Variants in MN1 observed in about 807,000 individuals in gnomAD.
MN1 encodes transcriptional activator MN1.
MN1 carries 19 observed loss-of-function variants against 86.9 expected under a neutral mutation model. The observed-to-expected ratio is 0.22, with a 90% CI of 0.15 to 0.32. The LOEUF (loss-of-function observed/expected upper bound fraction) is 0.32, where lower values mean the gene tolerates loss of function less well. Among genes scored for constraint, MN1 ranks in the 10% least tolerant of loss-of-function variants. The pLI, the probability that MN1 is intolerant of heterozygous loss-of-function variation, is 1.00. For missense variants in MN1, 1,841 were observed against 1,862.0 expected (o/e 0.99, Z 0.21); for synonymous variants, 928 against 849.6 (o/e 1.09, Z -1.60).
chr22:27,800,329 G>A lies in MN1; in HGVS notation c.215C>T (p.Ala72Val). The A allele has an allele frequency of 6.3e-7, 1 of 1,584,628 alleles. No homozygotes were observed. The highest frequency in any genetic ancestry group is 8.6e-7 in the Non-Finnish European group (1 of 1,164,156). ...GMNMEPYGFH[A>V]RGHSELHAGG... ...TGCGTGCAACTCCGAGTGGCCGCGCGCGTGGAAGCCGTAGGGCTCCATGTT... is the reference window on the plus strand; with the variant it reads ...TGCGTGCAACTCCGAGTGGCCGCGCACGTGGAAGCCGTAGGGCTCCATGTT... The change falls in exon 1 of 2, where the codon GCG (alanine) becomes GTG (valine). Residue 72 changes from alanine to valine, a missense_variant. By Grantham distance (64) the Ala-to-Val change is moderately conservative. Transcript: ENST00000302326.
At chr22:27,752,676 A>T (rs1002976420) in intron 1 of MN1, among the ~76,000 whole-genome samples, 1 of 152,220 alleles carries the variant, frequency 6.6e-6, no homozygotes, top group Non-Finnish European at 1.5e-5. Flanking sequence ...GAAGAGTCTC[A>T]TTATTCTCAT....
Position 27,777,702 on chromosome 22 carries a change from T to TACACAC in MN1, c.3781+19055_3781+19060dup, listed in dbSNP as rs35992247. Among the ~76,000 whole-genome samples the TACACAC allele has an allele frequency of 6.7e-4, 99 of 148,718 alleles. 2 individuals are homozygous for TACACAC. In the East Asian group the frequency reaches 0.017, roughly 25 times the overall value. On this transcript the variant is annotated intron_variant, in intron 1 of 1. Transcript: ENST00000302326. ...GGTGAAACCGTGTCTCTACTAAAAA[T>TACACAC]ACACACACACACACACACAAAATAT...
chr22:27,767,808 G>A (rs1932881575), intron 1 of MN1, among the ~76,000 whole-genome samples: 1 of 152,162 alleles, frequency 6.6e-6, no homozygotes, highest in Non-Finnish European at 1.5e-5. Context: ...AAAAAAGAGA[G>A]AAAGAGAGAG....
At chr22:27,757,805 C>T (rs879409827) in intron 1 of MN1, among the ~76,000 whole-genome samples, 7 of 152,158 alleles carry the variant, frequency 4.6e-5, no homozygotes, top group Middle Eastern at 6.8e-3. Context: ...TCTGTGACCC[C>T]CAGACCTTGG....
rs1932734909 is a variant in MN1 at position 27,749,225 on chromosome 22, C to T, written c.*1690G>A. 1 of 230,398 alleles carries T rather than the reference C, an allele frequency of 4.3e-6. No homozygotes were observed. The highest frequency in any genetic ancestry group is 2.2e-5 in the African/African-American group (1 of 45,098). 14.3% of individuals were successfully genotyped at this position (230,398 alleles called of 1,614,324 possible). On this transcript the variant is annotated 3_prime_UTR_variant, in exon 2 of 2. Coordinates refer to ENST00000302326, the MANE Select transcript of MN1 (RefSeq NM_002430.3). ...GTTTTTCTGAAAGCTCCTCTCCCTT[C>T]GCTGAAAAGTTCTTTGAAATAAACA... is the stretch of plus-strand genomic sequence containing the variant.
chr22:27,753,135 G>A (rs551317845), intron 1 of MN1, among the ~76,000 whole-genome samples: 1 of 152,358 alleles, frequency 6.6e-6, no homozygotes, highest in East Asian at 1.9e-4. Flanking sequence ...GCAGAAAGGA[G>A]ACTTCCTTGG....
In MN1 at chr22:27,798,612, G is replaced by T; in HGVS notation, c.1932C>A (p.Pro644=). 1 of 1,561,870 alleles carries T rather than the reference G, an allele frequency of 6.4e-7. No homozygotes were observed. The highest frequency in any genetic ancestry group is 2.3e-5 in the East Asian group (1 of 42,716). The change falls in exon 1 of 2, where the codon CCC becomes CCA. Residue 644 remains proline (P), a synonymous_variant. Coordinates refer to ENST00000302326, the MANE Select transcript of MN1 (RefSeq NM_002430.3). ...GPHPPPGDLL[P]RRMGGSGLPA... is the part of the protein sequence containing the mutation. Reference sequence around the variant, plus strand: ...GCAGACCCGAGCCGCCCATCCTACGGGGCAGCAGGTCTCCGGGCGGCGGAT... The same window carrying T: ...GCAGACCCGAGCCGCCCATCCTACGTGGCAGCAGGTCTCCGGGCGGCGGAT...
chr22:27,786,462 T>TACC (rs1355492411), intron 1 of MN1, among the ~76,000 whole-genome samples: 1 of 147,994 alleles, frequency 6.8e-6, no homozygotes, highest in East Asian at 2.1e-4. Context: ...CACATCCTCC[T>TACC]ACCACCACCA....
intron 1 of MN1, among the ~76,000 whole-genome samples, chr22:27,789,058 G>T (rs1439203169): frequency 1.3e-5 from 2 of 152,206 alleles, no homozygotes; most frequent in Non-Finnish European, 2.9e-5. Flanking sequence ...CATGAGTCAG[G>T]CTGCTCGAAG....
In MN1 at chr22:27,750,156, G is replaced by A. The variant is rs141654379; in HGVS notation, c.*759C>T. The A allele has an allele frequency of 1.9e-3, 447 of 231,666 alleles. 1 individual carries two copies. The highest frequency in any genetic ancestry group is 2.9e-3 in the Non-Finnish European group (338 of 117,054). 14.4% of individuals were successfully genotyped at this position (231,666 alleles called of 1,614,324 possible). ...AGAGCAGAGCTGGACACGTCCTCAC[G>A]TCCATCGCAGAGAGGGGCGGCTTCC... is the stretch of plus-strand genomic sequence containing the variant. On this transcript the variant is annotated 3_prime_UTR_variant, in exon 2 of 2. Coordinates refer to ENST00000302326, the MANE Select transcript of MN1 (RefSeq NM_002430.3).
At chr22:27,776,758 C>T (rs1932983887) in intron 1 of MN1, among the ~76,000 whole-genome samples, 1 of 152,100 alleles carries the variant, frequency 6.6e-6, no homozygotes, top group African/African-American at 2.4e-5. Context: ...CCAACTCGGG[C>T]GGACGCCACA....
At chr22:27,794,367 C>T (rs1298698489) in intron 1 of MN1, among the ~76,000 whole-genome samples, 6 of 152,184 alleles carry the variant, frequency 3.9e-5, no homozygotes, top group East Asian at 3.9e-4. Flanking sequence ...GACCTCAATT[C>T]GCTGCTTTAT....
intron 1 of MN1, among the ~76,000 whole-genome samples, chr22:27,753,991 C>T (rs1932786404): frequency 6.6e-6 from 1 of 152,264 alleles, no homozygotes. Flanking sequence ...TTATTTCCCC[C>T]ACTTTGCACA....
In MN1 at chr22:27,796,873, C is replaced by T. The variant is rs531489963; in HGVS notation, c.3671G>A (p.Ser1224Asn). Residue 1224 changes from serine to asparagine, a missense_variant, in exon 1 of 2, where the codon AGC becomes AAC. By Grantham distance (46) the Ser-to-Asn change is conservative. Transcript: ENST00000302326. ...IDLDSLMAEHSAAWYMPADKA... is the reference protein window; with the variant it reads ...IDLDSLMAEHNAAWYMPADKA... The stretch of plus-strand genomic sequence containing the variant: ...GTCAGCGGGCATGTACCAGGCAGCG[C>T]TGTGCTCTGCCATCAGCGAGTCCAG... 10 of 1,613,184 alleles carry T rather than the reference C, an allele frequency of 6.2e-6. No homozygotes were observed. The highest frequency in any genetic ancestry group is 8.5e-6 in the Non-Finnish European group (10 of 1,180,010).
chr22:27,777,700 A>AAT (rs1932997241), intron 1 of MN1, among the ~76,000 whole-genome samples: 1 of 111,352 alleles, frequency 9.0e-6, no homozygotes, highest in African/African-American at 4.0e-5. Flanking sequence ...CTCTACTAAA[A>AAT]ATACACACAC....
In MN1 at chr22:27,799,610, C is replaced by G; in HGVS notation, c.934G>C (p.Val312Leu). Residue 312 changes from valine (V) to leucine (L), a missense_variant, in exon 1 of 2, where the codon GTG becomes CTG. Physicochemically the swap from Val to Leu is conservative, Grantham distance 32. Coordinates refer to ENST00000302326, the MANE Select transcript of MN1 (RefSeq NM_002430.3). Reference protein sequence around the residue: ...QPQQQQQQHGVFFERFSGARK... With the variant: ...QPQQQQQQHGLFFERFSGARK... ...GCCCCACTGAACCTCTCAAAGAACA[C>G]ACCATGCTGCTGCTGCTGCTGCTGG... The G allele has an allele frequency of 6.5e-7, 1 of 1,541,710 alleles. No homozygotes were observed. The highest frequency in any genetic ancestry group is 1.2e-5 in the South Asian group (1 of 82,206).
chr22:27,796,621 T>C (rs767534350), intron 1 of MN1, 142 bp downstream of exon 1: 48 of 796,554 alleles, frequency 6.0e-5, no homozygotes, highest in Non-Finnish European at 9.2e-5. Flanking sequence ...TAAGCAAAGG[T>C]GGGATAACCA....
At chr22:27,766,776 A>G (rs1471356193) in intron 1 of MN1, among the ~76,000 whole-genome samples, 2 of 152,088 alleles carry the variant, frequency 1.3e-5, no homozygotes, top group African/African-American at 4.8e-5. Context: ...GTGTGACTAG[A>G]TCAGAGGATT....
Position 27,798,497 on chromosome 22 carries a change from G to T in MN1, c.2047C>A (p.Pro683Thr). The change falls in exon 1 of 2, where the codon CCG (proline) becomes ACG (threonine). Residue 683 changes from proline (P) to threonine (T), a missense_variant. Pro to Thr is a conservative substitution (Grantham distance 38, BLOSUM62 -1). Transcript: ENST00000302326. ...TGGCCCTCTCCGGGCATCCTCATCG[G>T]CTCCTGCAGAGGGCCCCGGAACAGC... ...GVLFRGPLQE[P>T]MRMPGEGHVP... The T allele has an allele frequency of 6.4e-7, 1 of 1,551,026 alleles. No homozygotes were observed. The highest frequency in any genetic ancestry group is 8.6e-7 in the Non-Finnish European group (1 of 1,159,132).
Sources: gnomAD v4.1 joint callset for allele counts (sites outside exome capture counted in the v4.1 genomes callset) on GRCh38, gnomAD v4.1.1 for gene constraint, MANE v1.5 for transcripts, NCBI Gene and HGNC (gene_info 2026-07-23, HGNC 2026-07-21) for gene names.